Variants in PCDH15 observed in about 807,000 individuals in gnomAD.
The protein encoded by PCDH15 is protocadherin-15.
In PCDH15, 129 loss-of-function variants were observed where a neutral mutation model predicts 178.5. The observed-to-expected ratio is 0.72, with a 90% CI of 0.63 to 0.84. The LOEUF is 0.84. Among genes scored for constraint, PCDH15 ranks in the 40% least tolerant of loss-of-function variants. The pLI is 0.00. For synonymous variants in PCDH15, 800 were observed against 732.0 expected (o/e 1.09, Z -1.50); for missense variants, 2,230 against 2,099.9 (o/e 1.06, Z -1.21).
At chr10:55,432,704 C>T (rs1838913705) in intron 2 of PCDH15, among the ~76,000 whole-genome samples, 1 of 151,992 alleles carries the variant, frequency 6.6e-6, no homozygotes, top group African/African-American at 2.4e-5. Flanking sequence ...TGTGTAAAGC[C>T]ATGTGGCGAT....
chr10:53,959,037 T>C (rs1478265783), intron 23 of PCDH15, among the ~76,000 whole-genome samples: 1 of 147,392 alleles, frequency 6.8e-6, no homozygotes, highest in Non-Finnish European at 1.5e-5. Context: ...AGCCACCCAA[T>C]TTATGGTATT....
chr10:55,021,993 AAAAGT>A (rs1840342088), intron 2 of PCDH15, among the ~76,000 whole-genome samples: 1 of 152,134 alleles, frequency 6.6e-6, no homozygotes, highest in Admixed American at 6.6e-5. Flanking sequence ...TTGGTCTCAT[AAAAGT>A]AGAGAGTAGA....
rs142320339 is a variant in PCDH15 at position 54,224,616 on chromosome 10, A to G, written c.986-10568T>C. Among the ~76,000 whole-genome samples, 605 of 152,226 alleles carry G rather than the reference A, an allele frequency of 4.0e-3. 3 individuals are homozygous for G. The highest frequency in any genetic ancestry group is 0.014 in the African/African-American group (561 of 41,550). ...TAAATTCACCTGCTACCCCTTTTAC[A>G]TAACTAAAATTTTGTTGATAATTTT... On this transcript the variant is annotated intron_variant, in intron 9 of 37. Transcript: ENST00000644397.
At chr10:53,917,246 C>T (rs2083602174) in intron 25 of PCDH15, among the ~76,000 whole-genome samples, 1 of 151,966 alleles carries the variant, frequency 6.6e-6, no homozygotes, top group African/African-American at 2.4e-5. Context: ...AATATTTGAC[C>T]TAAGACTATT....
intron 2 of PCDH15, among the ~76,000 whole-genome samples, chr10:55,458,299 C>T (rs1253928732): frequency 6.6e-6 from 1 of 152,020 alleles, no homozygotes; most frequent in African/African-American, 2.4e-5. Context: ...AGGGTCTTCA[C>T]TTGCAGGTTC....
chr10:54,399,569 C>T (rs1390270958), intron 3 of PCDH15, among the ~76,000 whole-genome samples: 2 of 152,074 alleles, frequency 1.3e-5, no homozygotes, highest in African/African-American at 4.8e-5. Context: ...AAATGAAGAA[C>T]TTTTGCAGAT....
intron 3 of PCDH15, among the ~76,000 whole-genome samples, chr10:54,476,805 T>C (rs763203804): frequency 2.0e-5 from 3 of 152,178 alleles, no homozygotes; most frequent in Non-Finnish European, 4.4e-5. Context: ...TGAACAAGCA[T>C]ACAGGCCCAT....
At chr10:54,727,347 C>T (rs1487960667) in intron 1 of PCDH15, among the ~76,000 whole-genome samples, 3 of 151,446 alleles carry the variant, frequency 2.0e-5, no homozygotes, top group Admixed American at 1.3e-4. Context: ...GTTCTTGAAT[C>T]ACTTTTGGGT....
chr10:54,362,839 C>T (rs1249652404), intron 5 of PCDH15, among the ~76,000 whole-genome samples: 3 of 151,840 alleles, frequency 2.0e-5, no homozygotes, highest in Non-Finnish European at 4.4e-5. Context: ...ATAAATAGAC[C>T]GTAATTCATA....
chr10:54,498,699 A>C (rs1298991773), intron 3 of PCDH15, among the ~76,000 whole-genome samples: 2 of 152,180 alleles, frequency 1.3e-5, no homozygotes, highest in African/African-American at 4.8e-5. Context: ...GAAGAAGTAC[A>C]TTACATAATG....
chr10:54,502,071 A>G (rs1319845842), intron 3 of PCDH15, among the ~76,000 whole-genome samples: 16 of 148,194 alleles, frequency 1.1e-4, no homozygotes, highest in Non-Finnish European at 6.0e-5. Context: ...CTCTGTCTTT[A>G]TCTTCTTTGA....
intron 2 of PCDH15, among the ~76,000 whole-genome samples, chr10:54,942,268 T>C (rs1328790975): frequency 1.3e-5 from 2 of 152,104 alleles, no homozygotes; most frequent in African/African-American, 4.8e-5. Context: ...ACCACAGATA[T>C]GCTTTGCCAT....
chr10:54,104,273 C>T (rs2094867315), intron 15 of PCDH15, among the ~76,000 whole-genome samples: 1 of 152,182 alleles, frequency 6.6e-6, no homozygotes, highest in Admixed American at 6.5e-5. Flanking sequence ...TTTACAAGCT[C>T]AGTGTCCCCA....
intron 8 of PCDH15, among the ~76,000 whole-genome samples, chr10:54,290,867 C>G (rs1271423146): frequency 1.3e-5 from 2 of 152,146 alleles, no homozygotes; most frequent in Admixed American, 6.5e-5. Flanking sequence ...TATATATGCA[C>G]CTAATACAGG....
chr10:54,629,669 G>A (rs2093649226), intron 2 of PCDH15, among the ~76,000 whole-genome samples: 2 of 152,008 alleles, frequency 1.3e-5, no homozygotes, highest in Non-Finnish European at 2.9e-5. Context: ...CATACCCCTT[G>A]GGAACTGGAG....
At chr10:54,087,535 G>A (rs1309775748) in intron 16 of PCDH15, among the ~76,000 whole-genome samples, 1 of 152,074 alleles carries the variant, frequency 6.6e-6, no homozygotes, top group Non-Finnish European at 1.5e-5. Flanking sequence ...GCAACATTTT[G>A]TTTATTCCTT....
At chr10:53,896,854 C>A (rs767157636) in intron 26 of PCDH15, among the ~76,000 whole-genome samples, 22 of 152,114 alleles carry the variant, frequency 1.4e-4, no homozygotes, top group Non-Finnish European at 3.1e-4. Context: ...TCTCATCACA[C>A]CCAGATGGGA....
rs185669197 is a variant in PCDH15, at chr10:54,242,423, G to C, written c.877-5492C>G. On this transcript the variant is annotated intron_variant, in intron 8 of 37. Transcript: ENST00000644397. ...AGGTTAACAGAAGTCATGATCCATA[G>C]AACAATAAGATTTAACCTATTATAT... 4.0e-3 allele frequency among the ~76,000 whole-genome samples: 610 copies of C among 151,504 alleles called. 6 individuals are homozygous for C. Among genetic ancestry groups the C allele is most frequent in the Middle Eastern group, 0.01 (3 of 288 alleles).
chr10:55,160,031 C>T (rs1289184616), intron 2 of PCDH15, among the ~76,000 whole-genome samples: 1 of 150,840 alleles, frequency 6.6e-6, no homozygotes, highest in Non-Finnish European at 1.5e-5. Flanking sequence ...TCTTCTTCTA[C>T]CCTTTCAATT....
Sources: gnomAD v4.1 joint callset for allele counts (sites outside exome capture counted in the v4.1 genomes callset) on GRCh38, gnomAD v4.1.1 for gene constraint, MANE v1.5 for transcripts, NCBI Gene and HGNC (gene_info 2026-07-23, HGNC 2026-07-21) for gene names.